The following AMZ2 variants were observed in gnomAD, a reference collection of about 807,000 sequenced individuals.
The protein encoded by AMZ2 is archaemetzincin-2.
In AMZ2, 26 loss-of-function variants were observed where a neutral mutation model predicts 36.7. The ratio of observed to expected loss-of-function variants is 0.71; its 90% CI spans 0.52 to 0.98. The LOEUF (loss-of-function observed/expected upper bound fraction) is 0.98. Among genes scored for constraint, AMZ2 ranks in the 50% least tolerant of loss-of-function variants. The pLI is 0.00. For missense variants in AMZ2, 394 were observed against 430.5 expected, an observed-to-expected ratio of 0.92 and a Z score of 0.75; for synonymous variants, 144 against 149.1, an observed-to-expected ratio of 0.97 and a Z score of 0.25.
At chr17:68,214,786 C>A (rs2073153342) in intron 1 of AMZ2, among the ~76,000 whole-genome samples, 1 of 139,160 alleles carries the variant, frequency 7.2e-6, no homozygotes, top group African/African-American at 2.5e-5. Flanking sequence ...TAGTCTTTAA[C>A]AATTTTTTTT....
intron 1 of AMZ2, among the ~76,000 whole-genome samples, chr17:68,241,896 T>C (rs1555734055): frequency 6.8e-6 from 1 of 146,780 alleles, no homozygotes; most frequent in African/African-American, 2.5e-5. Context: ...GCTAATTTTC[T>C]TTTTTCTTTT....
chr17:68,249,316 T>C (rs12945498), intron 1 of AMZ2: 6,954 of 201,226 alleles, frequency 0.035, 155 homozygotes, highest in Non-Finnish European at 0.054. Flanking sequence ...TTAATTCATA[T>C]TATTATTTTT....
rs2074179342 is a variant in AMZ2 at position 68,248,439 on chromosome 17, C to G, written c.-267C>G. 1 of 986,212 alleles carries G rather than the reference C, an allele frequency of 1.0e-6. No homozygotes were observed. Among genetic ancestry groups the G allele is most frequent in the Non-Finnish European group, 1.2e-6 (1 of 830,212 alleles). 61.1% of individuals were successfully genotyped at this position (986,212 alleles called of 1,614,324 possible). On this transcript the variant is annotated 5_prime_UTR_variant, in exon 1 of 7. Transcript: ENST00000359904. ...ACCAGCCAGGGTGGCCAGCTCCTTC[C>G]CGTTTGCCCGTGATGTTCTGGTTTT...
intron 1 of AMZ2, among the ~76,000 whole-genome samples, chr17:68,217,810 AT>A (rs145685949): frequency 0.13 from 17,088 of 135,770 alleles, 895 homozygotes; most frequent in African/African-American, 0.24. Context: ...AATAAAAAAG[AT>A]TTTTTTTTTT....
At chr17:68,241,941 C>T (rs1555734095) in intron 1 of AMZ2, among the ~76,000 whole-genome samples, 1 of 144,122 alleles carries the variant, frequency 6.9e-6, no homozygotes, top group Non-Finnish European at 1.5e-5. Flanking sequence ...GACGAGGGTT[C>T]GCCATGTTGG....
intron 1 of AMZ2, among the ~76,000 whole-genome samples, chr17:68,234,137 G>A (rs1211937783): frequency 2.0e-5 from 3 of 152,042 alleles, no homozygotes; most frequent in African/African-American, 7.2e-5. Context: ...TTCGAGACCA[G>A]CCTGACCAAC....
chr17:68,207,430 CT>C (rs2072873971), intron 1 of AMZ2: 1 of 149,860 alleles, frequency 6.7e-6, no homozygotes, highest in South Asian at 2.1e-4. Context: ...TTTTGCAAAT[CT>C]AGATTAATTA....
intron 1 of AMZ2, chr17:68,249,748 G>A (rs1555738001): frequency 6.0e-6 from 1 of 166,136 alleles, no homozygotes; most frequent in Non-Finnish European, 1.3e-5. Context: ...CTGGGCTCAA[G>A]TGATTCTCCT....
chr17:68,245,410 TTTC>T (rs1380772575), upstream of AMZ2, among the ~76,000 whole-genome samples: 3 of 151,566 alleles, frequency 2.0e-5, no homozygotes, highest in East Asian at 5.8e-4. Flanking sequence ...GCTTTTTTTT[TTTC>T]TTTTTTCTTT....
intron 1 of AMZ2, among the ~76,000 whole-genome samples, chr17:68,225,329 G>A (rs1179013518): frequency 6.6e-6 from 1 of 152,088 alleles, no homozygotes; most frequent in African/African-American, 2.4e-5. Flanking sequence ...GTGGGAGGGT[G>A]GAAATGGAGA....
chr17:68,217,789 G>A (rs1372290856), intron 1 of AMZ2, among the ~76,000 whole-genome samples: 1 of 150,766 alleles, frequency 6.6e-6, no homozygotes, highest in African/African-American at 2.4e-5. Flanking sequence ...GTATAGGTTA[G>A]TGAAGCATAT....
At chr17:68,246,770 CAG>C (rs1446207644), upstream of AMZ2, 2 of 152,192 alleles carry the variant, frequency 1.3e-5, no homozygotes, top group Admixed American at 6.5e-5. Context: ...TTGAAAGGTT[CAG>C]AGTTAATGTC....
intron 1 of AMZ2, among the ~76,000 whole-genome samples, chr17:68,208,028 G>T (rs569914102): frequency 7.9e-5 from 12 of 152,284 alleles, no homozygotes; most frequent in Admixed American, 7.8e-4. Flanking sequence ...TCAATTTCTC[G>T]CAGGGCCTTA....
At chr17:68,224,839 CTT>C (rs140462000) in intron 1 of AMZ2, among the ~76,000 whole-genome samples, 4,186 of 151,792 alleles carry the variant, frequency 0.028, 190 homozygotes, top group African/African-American at 0.094. Flanking sequence ...CTATCATCCT[CTT>C]TGTTTCATTT....
intron 1 of AMZ2, among the ~76,000 whole-genome samples, chr17:68,222,973 C>G (rs2073407453): frequency 6.6e-6 from 1 of 151,282 alleles, no homozygotes. Context: ...GGAAACCTTG[C>G]CTTCAAGAGG....
intron 1 of AMZ2, among the ~76,000 whole-genome samples, chr17:68,234,298 G>T (rs1317069991): frequency 6.6e-6 from 1 of 151,410 alleles, no homozygotes; most frequent in Non-Finnish European, 1.5e-5. Flanking sequence ...AAAAAATTAA[G>T]ATTAACCAGG....
At chr17:68,255,528 C>T (rs1345324140) in intron 5 of AMZ2, among the ~76,000 whole-genome samples, 172 bp from the exon 6 acceptor site, 12 of 152,080 alleles carry the variant, frequency 7.9e-5, no homozygotes, top group Non-Finnish European at 1.6e-4. Context: ...GGCAGTAAGA[C>T]ATTTGGGGAA....
chr17:68,234,346 G>C (rs1173448880), intron 1 of AMZ2, among the ~76,000 whole-genome samples: 1 of 151,722 alleles, frequency 6.6e-6, no homozygotes, highest in Non-Finnish European at 1.5e-5. Context: ...CTACATGGAG[G>C]CTGGGGTGAA....
At chr17:68,217,567 C>A (rs2144520634) in intron 1 of AMZ2, among the ~76,000 whole-genome samples, 1 of 152,262 alleles carries the variant, frequency 6.6e-6, no homozygotes, top group South Asian at 2.1e-4. Context: ...AAAGATTTTA[C>A]ATCTTTTATG....
Sources: gnomAD v4.1 joint callset for allele counts (sites outside exome capture counted in the v4.1 genomes callset) on GRCh38, gnomAD v4.1.1 for gene constraint, MANE v1.5 for transcripts, NCBI Gene and HGNC (gene_info 2026-07-23, HGNC 2026-07-21) for gene names.